The following KCNMA1 variants were observed in gnomAD, a reference collection of about 807,000 sequenced individuals.
KCNMA1 encodes the protein Calcium-activated potassium channel subunit alpha-1.
A neutral mutation model predicts 140.0 loss-of-function variants in KCNMA1; 29 were observed. That is an observed-to-expected ratio of 0.21 (90% CI 0.15 to 0.28). The LOEUF is 0.28. KCNMA1 is among the 10% of genes least tolerant of loss of function. The pLI, the probability that KCNMA1 is intolerant of heterozygous loss-of-function variation, is 1.00. For missense variants in KCNMA1, 880 were observed against 1,602.2 expected, an observed-to-expected ratio of 0.55 and a Z score of 7.70; for synonymous variants, 612 against 611.9, an observed-to-expected ratio of 1.00 and a Z score of 0.00.
At chr10:77,460,645 A>C (rs1241353473) in intron 1 of KCNMA1, among the ~76,000 whole-genome samples, 1 of 152,188 alleles carries the variant, frequency 6.6e-6, no homozygotes, top group Non-Finnish European at 1.5e-5. Flanking sequence ...CCGTTATCCT[A>C]AGTGAACTAA....
At position 77,079,476 on chromosome 10, in the gene KCNMA1, C is replaced by A. The variant is rs2153733026; in HGVS notation, c.1593+5G>T. 6.2e-7 allele frequency: 1 copy of A among 1,607,024 alleles called. No homozygotes were observed. The highest frequency in any genetic ancestry group is 8.5e-7 in the Non-Finnish European group (1 of 1,173,750). On this transcript the variant is annotated splice_donor_5th_base_variant and intron_variant, in intron 13 of 27. Coordinates refer to ENST00000286628, the MANE Select transcript of KCNMA1 (RefSeq NM_001161352.2). ...CAGACCTGGAGCGGGCTCTCGCACT[C>A]CTACCTTGTTGTGATACTGCAGCAT...
At chr10:76,974,707 A>G (rs1263294821) in intron 19 of KCNMA1, 2 of 643,580 alleles carry the variant, frequency 3.1e-6, no homozygotes, top group East Asian at 2.8e-5. Context: ...CTGAATTGCC[A>G]TTTTTTTCCC....
intron 2 of KCNMA1, 56 bp from the exon 3 acceptor site, chr10:77,251,312 G>T (rs892700526): frequency 2.1e-6 from 3 of 1,401,014 alleles, no homozygotes; most frequent in Middle Eastern, 1.8e-4. Flanking sequence ...GGATGTTTGG[G>T]TTTTTTGACA....
intron 2 of KCNMA1, among the ~76,000 whole-genome samples, chr10:77,271,023 A>T (rs1427713772): frequency 6.6e-6 from 1 of 152,246 alleles, no homozygotes; most frequent in Admixed American, 6.5e-5. Context: ...GATACTAGAA[A>T]TACTTCATGC....
At position 76,885,404 on chromosome 10, in the gene KCNMA1, C is replaced by T. The variant is rs200172176; in HGVS notation, c.*1862G>A. On this transcript the variant is annotated 3_prime_UTR_variant, in exon 28 of 28. Transcript: ENST00000286628. ...CACCACAATACTGGTTTGAATACTACGCTGCCCCTGTCTTTGGTGTGGGGG... is the reference window on the plus strand; with the variant it reads ...CACCACAATACTGGTTTGAATACTATGCTGCCCCTGTCTTTGGTGTGGGGG... 134 of 984,852 alleles carry T rather than the reference C, an allele frequency of 1.4e-4. No individual in the cohort carries two copies. The highest frequency in any genetic ancestry group is 9.8e-4 in the African/African-American group (56 of 57,234). 61.0% of individuals were successfully genotyped at this position (984,852 alleles called of 1,614,324 possible). A position where few individuals can be genotyped will look rare whatever the true frequency, so the allele number is the denominator to read the frequency against.
chr10:77,058,268 G>A (rs1351439110), intron 14 of KCNMA1, among the ~76,000 whole-genome samples: 1 of 151,832 alleles, frequency 6.6e-6, no homozygotes, highest in Non-Finnish European at 1.5e-5. Context: ...CACACACAAA[G>A]CAAAACCTGA....
intron 16 of KCNMA1, chr10:77,025,461 CA>C: frequency 6.3e-7 from 1 of 1,599,782 alleles, no homozygotes; most frequent in Non-Finnish European, 8.5e-7. Flanking sequence ...TCGGCTTCTG[CA>C]AAACGACAAG....
intron 3 of KCNMA1, among the ~76,000 whole-genome samples, chr10:77,205,319 G>T (rs1262925027): frequency 1.3e-5 from 2 of 152,166 alleles, no homozygotes; most frequent in Non-Finnish European, 2.9e-5. Flanking sequence ...ATCTAGAGAT[G>T]TGTGCATATC....
intron 5 of KCNMA1, among the ~76,000 whole-genome samples, chr10:77,132,446 C>T (rs35329642): frequency 0.23 from 34,869 of 151,494 alleles, 5,021 homozygotes; most frequent in Middle Eastern, 0.35. Flanking sequence ...TTTAAAATAA[C>T]ATTAAAGTGT....
chr10:76,914,547 A>G (rs1167746892), intron 24 of KCNMA1: 6 of 333,748 alleles, frequency 1.8e-5, no homozygotes, highest in African/African-American at 6.3e-5. Context: ...TCAGTGGAGG[A>G]CTCAGATTGT....
chr10:76,946,189 T>A (rs961814041), intron 22 of KCNMA1, among the ~76,000 whole-genome samples: 3 of 152,158 alleles, frequency 2.0e-5, no homozygotes, highest in East Asian at 3.9e-4. Context: ...CTCCACATGC[T>A]CTGTGTCTTC....
intron 10 of KCNMA1, 112 bp from the exon 11 acceptor site, chr10:77,086,705 C>A: frequency 2.6e-6 from 2 of 755,592 alleles, no homozygotes; most frequent in Non-Finnish European, 4.7e-6. Context: ...AGGCTGTGAC[C>A]TACAGTCACC....
At chr10:77,470,037 G>A (rs142674061) in intron 1 of KCNMA1, among the ~76,000 whole-genome samples, 43 of 152,214 alleles carry the variant, frequency 2.8e-4, no homozygotes, top group Non-Finnish European at 5.6e-4. Context: ...CCTTCTGTCA[G>A]CAGTGGTGAG....
Position 77,333,294 on chromosome 10 carries a change from G to A in KCNMA1, c.540+70568C>T, listed in dbSNP as rs370803711. Among the ~76,000 whole-genome samples the A allele has an allele frequency of 2.7e-5, 4 of 148,666 alleles. No homozygotes were observed. In the Admixed American group the frequency reaches 2.7e-4, roughly 10 times the overall value. The stretch of plus-strand genomic sequence containing the variant: ...GCCTGTAAGTCCAGTACTTTGGGAG[G>A]ATTGAACCCAGGAGTTTGAGACCAG... On this transcript the variant is annotated intron_variant, in intron 2 of 27. Transcript: ENST00000286628.
chr10:77,367,017 C>T (rs1388457917), intron 2 of KCNMA1, among the ~76,000 whole-genome samples: 1 of 152,134 alleles, frequency 6.6e-6, no homozygotes, highest in African/African-American at 2.4e-5. Flanking sequence ...AGCCTGTGTT[C>T]CTAGGGAGAG....
chr10:77,205,820 T>G (rs2043915011), intron 3 of KCNMA1, among the ~76,000 whole-genome samples: 2 of 152,188 alleles, frequency 1.3e-5, no homozygotes, highest in Non-Finnish European at 2.9e-5. Flanking sequence ...TCAGGACGAC[T>G]TTTTAAAAGT....
chr10:76,886,772 C>T lies in KCNMA1; in HGVS notation c.*494G>A. On this transcript the variant is annotated 3_prime_UTR_variant, in exon 28 of 28. Coordinates refer to ENST00000286628, the MANE Select transcript of KCNMA1 (RefSeq NM_001161352.2). ...GGAAACAATCAATATGTTTTCATTG[C>T]TGTTTGGTTGCTTGTTTCAAATAAA... 9.7e-7 allele frequency: 1 copy of T among 1,026,562 alleles called. No homozygotes were observed. Among genetic ancestry groups the T allele is most frequent in the Non-Finnish European group, 1.2e-6 (1 of 854,270 alleles). The allele number at this position is 1,026,562 out of a possible 1,614,324, so 63.6% of individuals were successfully genotyped here. A position where few individuals can be genotyped will look rare whatever the true frequency, so the allele number is the denominator to read the frequency against.
At chr10:77,290,926 G>A (rs190904327) in intron 2 of KCNMA1, among the ~76,000 whole-genome samples, 5 of 152,286 alleles carry the variant, frequency 3.3e-5, no homozygotes, top group Admixed American at 1.3e-4. Flanking sequence ...TGGCCAGGAG[G>A]GGCAGTTGGA....
chr10:77,248,253 G>A (rs1274000029), intron 3 of KCNMA1, among the ~76,000 whole-genome samples: 2 of 152,286 alleles, frequency 1.3e-5, no homozygotes, highest in African/African-American at 4.8e-5. Flanking sequence ...AGCAGACCTA[G>A]GGAGCCTGTT....
Sources: allele counts gnomAD v4.1 joint callset (sites outside exome capture counted in the v4.1 genomes callset), GRCh38; gene constraint gnomAD v4.1.1; transcripts MANE v1.5; gene names NCBI Gene and HGNC (gene_info 2026-07-23, HGNC 2026-07-21).